RPSA2: variants seen among roughly 807,000 people sequenced by gnomAD.
RPSA2 encodes small ribosomal subunit protein uS2B.
At chr19:23,867,897 C>T in the RPSA2 span, among the ~76,000 whole-genome samples, 1 of 151,808 alleles carries the variant, frequency 6.6e-6, no homozygotes, top group Non-Finnish European at 1.5e-5. Context: ...ACTTTTCCAC[C>T]ACCCACTGCC....
the RPSA2 span, among the ~76,000 whole-genome samples, chr19:23,859,317 G>T: frequency 1.3e-5 from 2 of 152,090 alleles, no homozygotes; most frequent in African/African-American, 4.8e-5. Flanking sequence ...ATAGTTTAAT[G>T]GAACATGTTA....
chr19:23,773,996 A>ACT, the RPSA2 span, among the ~76,000 whole-genome samples: 148,954 of 152,290 alleles, frequency 0.98, 72,940 homozygotes, highest in Middle Eastern at 1. Flanking sequence ...GAGTGATCTG[A>ACT]CTCTTGCCTA....
chr19:23,833,027 A>G, the RPSA2 span: 1 of 1,389,798 alleles, frequency 7.2e-7, no homozygotes, highest in Non-Finnish European at 9.5e-7. Flanking sequence ...GCTAACCATA[A>G]GAGAATTCAT....
the RPSA2 span, among the ~76,000 whole-genome samples, chr19:23,826,748 C>T: frequency 9.2e-5 from 14 of 152,026 alleles, no homozygotes; most frequent in South Asian, 1.0e-3. Flanking sequence ...TGCAGTGGGG[C>T]GATCTTGGCT....
At chr19:23,833,120 T>G in the RPSA2 span, 2 of 1,229,644 alleles carry the variant, frequency 1.6e-6, no homozygotes, top group South Asian at 3.2e-5. Flanking sequence ...AAGGTAATTC[T>G]TACTGGTTTA....
the RPSA2 span, among the ~76,000 whole-genome samples, chr19:23,820,598 G>T: frequency 6.6e-6 from 1 of 152,074 alleles, no homozygotes; most frequent in Non-Finnish European, 1.5e-5. Context: ...GTCCTTTATA[G>T]TGCATAACAG....
the RPSA2 span, among the ~76,000 whole-genome samples, chr19:23,810,072 G>C: frequency 6.6e-6 from 1 of 152,106 alleles, no homozygotes; most frequent in African/African-American, 2.4e-5. Context: ...GTTTGCACAA[G>C]GGTTCACCTT....
At chr19:23,833,330 A>G in the RPSA2 span, 1 of 446,254 alleles carries the variant, frequency 2.2e-6, no homozygotes, top group Non-Finnish European at 3.1e-6. Flanking sequence ...CAAAGCCTAT[A>G]AAAAGTCCTC....
chr19:23,841,600 G>A, the RPSA2 span, among the ~76,000 whole-genome samples: 2 of 152,328 alleles, frequency 1.3e-5, no homozygotes, highest in East Asian at 3.9e-4. Context: ...TCGGAGGTCT[G>A]ACAGGAGTGG....
At chr19:23,828,795 T>C in the RPSA2 span, among the ~76,000 whole-genome samples, 1 of 151,976 alleles carries the variant, frequency 6.6e-6, no homozygotes, top group Admixed American at 6.6e-5. Flanking sequence ...AAGTAGTCTG[T>C]TCTTTTATTA....
the RPSA2 span, among the ~76,000 whole-genome samples, chr19:23,860,999 A>C: frequency 2.9e-5 from 3 of 104,828 alleles, no homozygotes; most frequent in South Asian, 1.3e-3. Flanking sequence ...CCTCCAGTAC[A>C]TGTTGCTCCT....
At chr19:23,783,910 GCTTTC>G in the RPSA2 span, among the ~76,000 whole-genome samples, 1 of 152,128 alleles carries the variant, frequency 6.6e-6, no homozygotes, top group African/African-American at 2.4e-5. Flanking sequence ...CCTGTGTCCT[GCTTTC>G]AGGAGAGGAT....
At chr19:23,791,551 T>C in the RPSA2 span, among the ~76,000 whole-genome samples, 3,317 of 152,224 alleles carry the variant, frequency 0.022, 128 homozygotes, top group African/African-American at 0.076. Flanking sequence ...ATTTTTCACA[T>C]GTGTGCCAAG....
the RPSA2 span, among the ~76,000 whole-genome samples, chr19:23,835,198 T>C: frequency 2.1e-5 from 2 of 97,436 alleles, no homozygotes; most frequent in African/African-American, 7.5e-5. Flanking sequence ...TTAATAAATA[T>C]TTTTATAAAT....
At chr19:23,857,651 T>C in the RPSA2 span, among the ~76,000 whole-genome samples, 3 of 43,920 alleles carry the variant, frequency 6.8e-5, no homozygotes, top group African/African-American at 1.5e-4. Context: ...CCACCACACC[T>C]AGCTAATTTT....
the RPSA2 span, among the ~76,000 whole-genome samples, chr19:23,797,274 T>C: frequency 6.6e-6 from 1 of 152,066 alleles, no homozygotes; most frequent in African/African-American, 2.4e-5. Flanking sequence ...CATGATGGGC[T>C]AATTTTTGTA....
At chr19:23,833,268 C>T in the RPSA2 span, 2 of 895,942 alleles carry the variant, frequency 2.2e-6, no homozygotes, top group East Asian at 6.7e-5. Context: ...CAACTTAATG[C>T]ACATAAGATA....
At chr19:23,788,728 A>AT in the RPSA2 span, among the ~76,000 whole-genome samples, 2 of 151,928 alleles carry the variant, frequency 1.3e-5, no homozygotes. Flanking sequence ...TATTTTGCAT[A>AT]TTGTTACATA....
At chr19:23,853,815 G>T in the RPSA2 span, among the ~76,000 whole-genome samples, 1 of 152,184 alleles carries the variant, frequency 6.6e-6, no homozygotes, top group Non-Finnish European at 1.5e-5. Context: ...CCAGTGCAAG[G>T]CAAGATAAAT....
Sources: gnomAD v4.1 joint callset for allele counts (sites outside exome capture counted in the v4.1 genomes callset) on GRCh38, gnomAD v4.1.1 for gene constraint, MANE v1.5 for transcripts, NCBI Gene and HGNC (gene_info 2026-07-23, HGNC 2026-07-21) for gene names.